The following OR8G5 variants were observed in gnomAD, a reference collection of about 807,000 sequenced individuals.
OR8G5 encodes olfactory receptor family 8 subfamily G member 5, also known as olfactory receptor 8G5.
For synonymous variants in OR8G5, 147 were observed against 147.7 expected (o/e 1.00, Z 0.03); for missense variants, 347 against 371.9 (o/e 0.93, Z 0.55).
rs770364429 is a variant in OR8G5 at position 124,265,901 on chromosome 11, T to C, written c.*34T>C. The C allele has an allele frequency of 6.5e-7, 1 of 1,549,158 alleles. No homozygotes were observed. The highest frequency in any genetic ancestry group is 2.3e-5 in the East Asian group (1 of 43,672). On this transcript the variant is annotated 3_prime_UTR_variant, in exon 2 of 2. Coordinates refer to ENST00000641992, the MANE Select transcript of OR8G5 (RefSeq NM_001005198.2). ...ACAATGAAAAAGATTGCATTAGATC[T>C]AAGTTTTTGGCTATGATATTGTATG...
chr11:124,261,571 A>C (rs1167069963), intron 1 of OR8G5, among the ~76,000 whole-genome samples: 1 of 151,914 alleles, frequency 6.6e-6, no homozygotes, highest in African/African-American at 2.4e-5. Flanking sequence ...AAATTTAAAA[A>C]TCAGAAATTT....
intron 1 of OR8G5, among the ~76,000 whole-genome samples, chr11:124,264,372 A>T (rs2512170): frequency 0.48 from 73,362 of 152,068 alleles, 18,471 homozygotes; most frequent in East Asian, 0.58. Context: ...CCACTGCAGC[A>T]GATAGATATT....
intron 1 of OR8G5, among the ~76,000 whole-genome samples, chr11:124,257,331 G>A (rs1309457848): frequency 3.9e-5 from 6 of 151,968 alleles, no homozygotes; most frequent in African/African-American, 1.5e-4. Context: ...TTGATTAAAG[G>A]GTGTATTCTT....
chr11:124,265,234 C>A lies in OR8G5; in HGVS notation c.303C>A (p.Leu101=). 6.2e-7 allele frequency: 1 copy of A among 1,614,034 alleles called. No individual in the cohort carries two copies. Among genetic ancestry groups the A allele is most frequent in the Non-Finnish European group, 8.5e-7 (1 of 1,179,910 alleles). The part of the protein sequence containing the change: ...IISYPECMTQ[L]YFFLVFAIAE... ...CCTACCCTGAATGCATGACTCAGCT[C>A]TACTTCTTCCTCGTTTTTGCTATTG... Residue 101 remains leucine (L), a synonymous_variant, in exon 2 of 2, where the codon CTC becomes CTA. Coordinates refer to ENST00000641992, the MANE Select transcript of OR8G5 (RefSeq NM_001005198.2).
At position 124,259,229 on chromosome 11, in the gene OR8G5, T is replaced by C. The variant is rs191101430; in HGVS notation, c.-15+2595T>C. Among the ~76,000 whole-genome samples, 6 of 152,288 alleles carry C rather than the reference T, an allele frequency of 3.9e-5. No homozygotes were observed. The East Asian group carries it at 1.2e-3, about 29-fold the overall frequency. On this transcript the variant is annotated intron_variant, in intron 1 of 1. Transcript: ENST00000641992. ...ACATCAAAGATTCTGATTCACTAAA[T>C]CTGGTAGAGTGGTAGCAAATCTATA... is the stretch of plus-strand genomic sequence containing the variant.
At chr11:124,262,833 G>C (rs1861986617) in intron 1 of OR8G5, among the ~76,000 whole-genome samples, 1 of 151,950 alleles carries the variant, frequency 6.6e-6, no homozygotes, top group African/African-American at 2.4e-5. Context: ...TTTTTCTTGG[G>C]TAAATACTAA....
intron 1 of OR8G5, among the ~76,000 whole-genome samples, chr11:124,257,603 C>A (rs905572950): frequency 6.6e-6 from 1 of 152,060 alleles, no homozygotes; most frequent in Non-Finnish European, 1.5e-5. Context: ...ATAAAGTCCC[C>A]CAGGTAATCT....
At chr11:124,259,167 A>C (rs199725394) in intron 1 of OR8G5, among the ~76,000 whole-genome samples, 1 of 129,962 alleles carries the variant, frequency 7.7e-6, no homozygotes, top group South Asian at 2.3e-4. Context: ...GTGTGTTTTT[A>C]TTTTATTTTT....
At chr11:124,256,850 G>C (rs1007506039) in intron 1 of OR8G5, among the ~76,000 whole-genome samples, 2 of 152,182 alleles carry the variant, frequency 1.3e-5, no homozygotes, top group African/African-American at 4.8e-5. Flanking sequence ...CTGGCTTACA[G>C]TACAGTTCAG....
chr11:124,257,774 G>A (rs1451833235), intron 1 of OR8G5, among the ~76,000 whole-genome samples: 7 of 152,280 alleles, frequency 4.6e-5, no homozygotes, highest in Middle Eastern at 3.4e-3. Context: ...AGCTTAGTTA[G>A]ATAAGGAAAT....
rs11823601 is a variant in OR8G5 at position 124,266,061 on chromosome 11, A to C, written c.*194A>C. ...ATTTTTTCTCTCATAAGGATTACGAAGACATGATATTTTCTTAGAAGAAAT... is the reference window on the plus strand; with the variant it reads ...ATTTTTTCTCTCATAAGGATTACGACGACATGATATTTTCTTAGAAGAAAT... On this transcript the variant is annotated 3_prime_UTR_variant, in exon 2 of 2. Transcript: ENST00000641992. 6,071 of 651,076 alleles carry C rather than the reference A, an allele frequency of 9.3e-3. 106 individuals carry two copies. Among genetic ancestry groups the C allele is most frequent in the Admixed American group, 0.047 (1,378 of 29,128 alleles). 40.3% of individuals were successfully genotyped at this position (651,076 alleles called of 1,614,324 possible).
intron 1 of OR8G5, among the ~76,000 whole-genome samples, chr11:124,258,884 C>T (rs1476438881): frequency 6.6e-6 from 1 of 152,084 alleles, no homozygotes; most frequent in East Asian, 1.9e-4. Context: ...GAGATTATGG[C>T]TCATCATACT....
In OR8G5 at chr11:124,265,303, G is replaced by T. The variant is rs1210899072; in HGVS notation, c.372G>T (p.Val124=). Residue 124 remains valine, a synonymous_variant, in exon 2 of 2, where the codon GTG becomes GTT. Coordinates refer to ENST00000641992, the MANE Select transcript of OR8G5 (RefSeq NM_001005198.2). The stretch of plus-strand genomic sequence containing the variant: ...CTGCAATGGCATATGACGGCTACGT[G>T]GCCATCTGTAGCCCCTTGCTGTACA... ...MLAAMAYDGY[V]AICSPLLYSI... is the part of the protein sequence containing the mutation. The T allele has an allele frequency of 6.2e-7, 1 of 1,614,002 alleles. No homozygotes were observed. Among genetic ancestry groups the T allele is most frequent in the Admixed American group, 1.7e-5 (1 of 60,012 alleles).
chr11:124,257,692 A>G (rs1292197051), intron 1 of OR8G5, among the ~76,000 whole-genome samples: 1 of 152,140 alleles, frequency 6.6e-6, no homozygotes, highest in African/African-American at 2.4e-5. Flanking sequence ...TCTGGTGGTT[A>G]ATCTTTCCTG....
At chr11:124,262,040 T>C (rs1861976410) in intron 1 of OR8G5, among the ~76,000 whole-genome samples, 1 of 151,778 alleles carries the variant, frequency 6.6e-6, no homozygotes. Flanking sequence ...ATACCTTATA[T>C]GCACATATTA....
At chr11:124,258,022 T>C (rs1288510819) in intron 1 of OR8G5, among the ~76,000 whole-genome samples, 1 of 152,108 alleles carries the variant, frequency 6.6e-6, no homozygotes, top group Non-Finnish European at 1.5e-5. Flanking sequence ...CATATCCCAT[T>C]ATTTTCTTCT....
chr11:124,258,728 G>T (rs1438625309), intron 1 of OR8G5, among the ~76,000 whole-genome samples: 1 of 152,106 alleles, frequency 6.6e-6, no homozygotes, highest in Non-Finnish European at 1.5e-5. Context: ...ACCCCAGCTT[G>T]TGGCAAATGC....
chr11:124,265,425 G>C lies in OR8G5; in HGVS notation c.494G>C (p.Arg165Thr). The stretch of plus-strand genomic sequence containing the variant: ...TCAGCTCATATAGGCTGTATGTTTA[G>C]GGTTCAATTCTGCAAATTTGATGTG... ...CASAHIGCMF[R>T]VQFCKFDVIN... Residue 165 changes from arginine to threonine, a missense_variant, in exon 2 of 2, where the codon AGG (arginine) becomes ACG (threonine). Arg to Thr is a moderately conservative substitution (Grantham distance 71). Transcript: ENST00000641992. The C allele has an allele frequency of 2.5e-6, 4 of 1,613,950 alleles. No homozygotes were observed. Among genetic ancestry groups the C allele is most frequent in the Non-Finnish European group, 3.4e-6 (4 of 1,179,876 alleles).
At position 124,256,525 on chromosome 11, in the gene OR8G5, A is replaced by G. The variant is rs528245333; in HGVS notation, c.-124A>G. The G allele has an allele frequency of 2.0e-5, 3 of 152,324 alleles. No homozygotes were observed. The South Asian group carries it at 6.2e-4, about 32-fold the overall frequency. 9.4% of individuals were successfully genotyped at this position (152,324 alleles called of 1,614,324 possible). A position where few individuals can be genotyped will look rare whatever the true frequency, so the allele number is the denominator to read the frequency against. On this transcript the variant is annotated 5_prime_UTR_variant, in exon 1 of 2. Transcript: ENST00000641992. ...CAGTCTCAGGACTAAAGACTACAGA[A>G]CGCTGGCTTGGTACCTATGACTTCC...
Sources: gnomAD v4.1 joint callset for allele counts (sites outside exome capture counted in the v4.1 genomes callset) on GRCh38, gnomAD v4.1.1 for gene constraint, MANE v1.5 for transcripts, NCBI Gene and HGNC (gene_info 2026-07-23, HGNC 2026-07-21) for gene names.